Variants in ENPP3 observed in about 807,000 individuals in gnomAD.
ENPP3 encodes ectonucleotide pyrophosphatase/phosphodiesterase family member 3.
Under a neutral mutation model 117.8 loss-of-function variants are expected in ENPP3, and 104 were observed. That is an observed-to-expected ratio of 0.88 (90% CI 0.75 to 1.04). The LOEUF is 1.04. ENPP3 is among the 50% of genes least tolerant of loss of function. The pLI is 0.00. For synonymous variants in ENPP3, 380 were observed against 349.9 expected (o/e 1.09, Z -0.96); for missense variants, 1,026 against 1,051.9 (o/e 0.98, Z 0.34).
intron 18 of ENPP3, among the ~76,000 whole-genome samples, chr6:131,723,666 G>A (rs903870595): frequency 6.6e-5 from 10 of 152,074 alleles, no homozygotes; most frequent in South Asian, 2.1e-4. Context: ...ACCAGAATCC[G>A]TATTTTAACA....
chr6:131,679,021 C>CCTTT (rs1778952563), intron 11 of ENPP3, among the ~76,000 whole-genome samples: 1 of 104,208 alleles, frequency 9.6e-6, no homozygotes, highest in Non-Finnish European at 1.9e-5. Flanking sequence ...TTCCTTCCTT[C>CCTTT]CTTCCTTCTT....
chr6:131,682,996 C>A, intron 11 of ENPP3, 58 bp from the exon 12 acceptor site: 1 of 1,017,086 alleles, frequency 9.8e-7, no homozygotes, highest in Non-Finnish European at 1.6e-6. Context: ...CATTAGATAA[C>A]GGTTTGGCTA....
rs752585689 is a variant in ENPP3 at position 131,652,844 on chromosome 6, G to A, written c.417G>A (p.Trp139Ter). The A allele has an allele frequency of 1.2e-5, 19 of 1,613,406 alleles. No homozygotes were observed. The South Asian group carries it at 1.6e-4, about 14-fold the overall frequency. The change falls in exon 5 of 25, where the codon TGG (tryptophan) becomes TGA (stop). Residue 139 changes from tryptophan to a stop codon, truncating the protein, a stop_gained. Coordinates refer to ENST00000357639, the MANE Select transcript of ENPP3 (RefSeq NM_005021.5). LOFTEE classifies it high-confidence loss of function. ...YKSVCQGETS[W>*]LEENCDTAQQ... is the part of the protein sequence containing the mutation. ...TATGCTTTTCAGGAGAAACCTCATGGCTGGAAGAAAACTGTGACACAGCCC... is the reference window on the plus strand; with the variant it reads ...TATGCTTTTCAGGAGAAACCTCATGACTGGAAGAAAACTGTGACACAGCCC...
chr6:131,684,049 C>T (rs1779093795), intron 12 of ENPP3, among the ~76,000 whole-genome samples: 1 of 152,174 alleles, frequency 6.6e-6, no homozygotes, highest in Non-Finnish European at 1.5e-5. Context: ...CCGGGCCTGT[C>T]CTCTACAGAT....
Position 131,637,355 on chromosome 6 carries a change from A to G in ENPP3, c.-30A>G. 2 of 1,466,728 alleles carry G rather than the reference A, an allele frequency of 1.4e-6. No individual in the cohort carries two copies. The highest frequency in any genetic ancestry group is 3.6e-4 in the Middle Eastern group (2 of 5,630). 90.9% of individuals were successfully genotyped at this position (1,466,728 alleles called of 1,614,324 possible). On this transcript the variant is annotated 5_prime_UTR_variant, in exon 1 of 25. Coordinates refer to ENST00000357639, the MANE Select transcript of ENPP3 (RefSeq NM_005021.5). ...AAAGAAGGAGCACTAATTTATTCTG[A>G]TAAAACAGGTCTATGCAGCTACCAG...
At chr6:131,648,088 C>T (rs1272380588) in intron 2 of ENPP3, among the ~76,000 whole-genome samples, 1 of 151,912 alleles carries the variant, frequency 6.6e-6, no homozygotes, top group African/African-American at 2.4e-5. Flanking sequence ...CTACGAACAA[C>T]TGTATATCTC....
intron 6 of ENPP3, among the ~76,000 whole-genome samples, chr6:131,663,124 A>AGTCC (rs558888315): frequency 6.7e-6 from 1 of 150,024 alleles, no homozygotes; most frequent in Non-Finnish European, 1.5e-5. Context: ...AAATAGGGAC[A>AGTCC]GGTTTACTTC....
intron 20 of ENPP3, among the ~76,000 whole-genome samples, chr6:131,732,968 C>G (rs1050644309): frequency 6.6e-6 from 1 of 151,984 alleles, no homozygotes; most frequent in East Asian, 1.9e-4. Context: ...ACCTCGTGAT[C>G]TGCCTGCCTC....
intron 18 of ENPP3, 116 bp downstream of exon 18, chr6:131,722,521 T>G: frequency 1.3e-6 from 1 of 759,324 alleles, no homozygotes; most frequent in Non-Finnish European, 2.2e-6. Flanking sequence ...GGATATTTAC[T>G]TAGTAAATAT....
In ENPP3 at chr6:131,746,927, T is replaced by C. The variant is rs1184170569; in HGVS notation, c.2599T>C (p.Tyr867His). The C allele has an allele frequency of 1.2e-6, 2 of 1,606,664 alleles. No individual in the cohort carries two copies. Among genetic ancestry groups the C allele is most frequent in the Non-Finnish European group, 1.7e-6 (2 of 1,175,044 alleles). Residue 867 changes from tyrosine (Y) to histidine (H), a missense_variant, in exon 25 of 25, where the codon TAT becomes CAT. By Grantham distance (83) the Tyr-to-His change is moderately conservative (BLOSUM62 2). Coordinates refer to ENST00000357639, the MANE Select transcript of ENPP3 (RefSeq NM_005021.5). The stretch of plus-strand genomic sequence containing the variant: ...CTCTGAAATTTTGCAACTAAAGACA[T>C]ATTTACCAACATTTGAAACCACTAT... ...PVSEILQLKT[Y>H]LPTFETTI
At chr6:131,735,072 C>T (rs982035868) in intron 21 of ENPP3, among the ~76,000 whole-genome samples, 3 of 151,738 alleles carry the variant, frequency 2.0e-5, no homozygotes, top group African/African-American at 7.3e-5. Flanking sequence ...CGGCCAGACA[C>T]GGTGGCTCAT....
intron 7 of ENPP3, among the ~76,000 whole-genome samples, chr6:131,671,727 A>G (rs1778747053): frequency 6.6e-6 from 1 of 152,194 alleles, no homozygotes; most frequent in Non-Finnish European, 1.5e-5. Context: ...AATTAACTTG[A>G]TAGAACTTCT....
rs1171683556 is a variant in ENPP3 at position 131,726,388 on chromosome 6, C to A, written c.1953+188C>A. On this transcript the variant is annotated intron_variant, in intron 20 of 24. Transcript: ENST00000357639. Reference sequence around the variant, plus strand: ...GTGCTACACGGGTGCAAAAGAGGAACACATTGTGTTTTACCTGGAGAAAAT... The same window carrying A: ...GTGCTACACGGGTGCAAAAGAGGAAAACATTGTGTTTTACCTGGAGAAAAT... Among the ~76,000 whole-genome samples the A allele has an allele frequency of 2.6e-5, 4 of 152,250 alleles. No homozygotes were observed. In the East Asian group the frequency reaches 7.7e-4, roughly 29 times the overall value.
At chr6:131,662,439 G>C (rs1778523173) in intron 6 of ENPP3, among the ~76,000 whole-genome samples, 1 of 152,012 alleles carries the variant, frequency 6.6e-6, no homozygotes, top group East Asian at 1.9e-4. Context: ...ATGGCATTTT[G>C]CCATGTTGTC....
At chr6:131,651,547 G>T (rs1222922851) in intron 3 of ENPP3, among the ~76,000 whole-genome samples, 2 of 152,202 alleles carry the variant, frequency 1.3e-5, no homozygotes, top group Non-Finnish European at 2.9e-5. Context: ...GAAAGCTGGT[G>T]ATTCTTGATC....
At chr6:131,740,590 T>C (rs929395476) in intron 24 of ENPP3, among the ~76,000 whole-genome samples, 2 of 152,210 alleles carry the variant, frequency 1.3e-5, no homozygotes, top group Admixed American at 1.3e-4. Flanking sequence ...TAGTTGAACA[T>C]ATATATACCC....
intron 7 of ENPP3, 24 bp downstream of exon 7, chr6:131,671,351 G>T (rs769670121): frequency 1.2e-5 from 17 of 1,451,280 alleles, no homozygotes; most frequent in Non-Finnish European, 1.1e-5. Context: ...CCAGTGGTAA[G>T]ACAGGCCAAA....
At chr6:131,691,268 A>T (rs73552685) in intron 14 of ENPP3, among the ~76,000 whole-genome samples, 3,137 of 152,210 alleles carry the variant, frequency 0.021, 104 homozygotes, top group African/African-American at 0.073. Flanking sequence ...TACATGAGAG[A>T]CATCACTACT....
At chr6:131,642,598 G>A (rs756222151) in intron 2 of ENPP3, among the ~76,000 whole-genome samples, 1 of 152,042 alleles carries the variant, frequency 6.6e-6, no homozygotes, top group African/African-American at 2.4e-5. Flanking sequence ...TTTGAGACAA[G>A]GTCTCACTTT....
Sources: allele counts gnomAD v4.1 joint callset (sites outside exome capture counted in the v4.1 genomes callset), GRCh38; gene constraint gnomAD v4.1.1; transcripts MANE v1.5; gene names NCBI Gene and HGNC (gene_info 2026-07-23, HGNC 2026-07-21).